OR3A2: variants seen among roughly 807,000 people sequenced by gnomAD.
The protein encoded by OR3A2 is olfactory receptor family 3 subfamily A member 2.
For synonymous variants in OR3A2, 126 were observed against 159.3 expected, an observed-to-expected ratio of 0.79 and a Z score of 1.57; for missense variants, 318 against 392.8, an observed-to-expected ratio of 0.81 and a Z score of 1.61.
At chr17:3,368,111 T>C (rs2049580525) in intron 2 of OR3A2, among the ~76,000 whole-genome samples, 1 of 152,208 alleles carries the variant, frequency 6.6e-6, no homozygotes, top group African/African-American at 2.4e-5. Context: ...TTTGTTTGAG[T>C]TCCTTATAGA....
intron 3 of OR3A2, among the ~76,000 whole-genome samples, chr17:3,307,396 C>T (rs1187728029): frequency 6.6e-6 from 1 of 152,224 alleles, no homozygotes; most frequent in Non-Finnish European, 1.5e-5. Flanking sequence ...CTGACAACTC[C>T]TCCTTGGCCC....
chr17:3,323,233 A>G (rs961661011), intron 3 of OR3A2, among the ~76,000 whole-genome samples: 3 of 152,038 alleles, frequency 2.0e-5, no homozygotes, highest in Non-Finnish European at 4.4e-5. Flanking sequence ...ATCTTCCTCC[A>G]TCCCTTTATT....
At chr17:3,279,429 C>G (rs984146066) in intron 1 of OR3A2, among the ~76,000 whole-genome samples, 4 of 152,184 alleles carry the variant, frequency 2.6e-5, no homozygotes, top group African/African-American at 9.7e-5. Context: ...TCCTATTGCT[C>G]TCTGAGGGAT....
At chr17:3,310,583 C>T (rs139602609) in intron 3 of OR3A2, 64 of 537,644 alleles carry the variant, frequency 1.2e-4, no homozygotes, top group Non-Finnish European at 1.9e-4. Context: ...TCATATCCAA[C>T]GACAGAAGCA....
upstream of OR3A2, among the ~76,000 whole-genome samples, chr17:3,288,246 C>CAAAAAAAAAA: frequency 2.5e-4 from 18 of 73,446 alleles, no homozygotes; most frequent in Non-Finnish European, 3.1e-4. Flanking sequence ...ACCAAAAGGG[C>CAAAAAAAAAA]AAAAAAAAAA....
intron 3 of OR3A2, chr17:3,310,544 T>C: frequency 1.9e-6 from 1 of 536,128 alleles, no homozygotes; most frequent in Non-Finnish European, 3.8e-6. Context: ...GGTGTGTCAG[T>C]GTCACTGTCC....
intron 3 of OR3A2, among the ~76,000 whole-genome samples, chr17:3,308,638 A>G (rs965025514): frequency 6.6e-6 from 1 of 152,156 alleles, no homozygotes; most frequent in Non-Finnish European, 1.5e-5. Flanking sequence ...GAGATTGAAG[A>G]AGGACGGTTC....
chr17:3,323,910 G>A (rs1479587466), intron 3 of OR3A2, among the ~76,000 whole-genome samples: 1 of 151,988 alleles, frequency 6.6e-6, no homozygotes, highest in Non-Finnish European at 1.5e-5. Flanking sequence ...GGCCTGCCTT[G>A]CTAGATGGGG....
chr17:3,363,262 T>A (rs1181653051), intron 2 of OR3A2, among the ~76,000 whole-genome samples: 1 of 151,814 alleles, frequency 6.6e-6, no homozygotes, highest in African/African-American at 2.4e-5. Context: ...TGCATATGAG[T>A]ATACACTTTT....
At chr17:3,329,420 T>A (rs895599685) in intron 3 of OR3A2, among the ~76,000 whole-genome samples, 2 of 149,998 alleles carry the variant, frequency 1.3e-5, no homozygotes, top group Non-Finnish European at 3.0e-5. Context: ...AGATTCAACT[T>A]CTTCCTGGTT....
At chr17:3,350,112 A>T (rs1173941493) in intron 2 of OR3A2, among the ~76,000 whole-genome samples, 1 of 151,220 alleles carries the variant, frequency 6.6e-6, no homozygotes, top group Non-Finnish European at 1.5e-5. Flanking sequence ...CTAACATCAC[A>T]ATTAAAAGAA....
rs560144723 is a variant in OR3A2 at position 3,372,144 on chromosome 17, C to T, written c.-179+11660G>A. 2.0e-4 allele frequency among the ~76,000 whole-genome samples: 30 copies of T among 149,934 alleles called. No homozygotes were observed. The East Asian group carries it at 3.9e-3, about 20-fold the overall frequency. On this transcript the variant is annotated intron_variant, in intron 2 of 4. Transcript: ENST00000573491. ...GCAGAGACGCTCCTCACCTCCCAGA[C>T]AGGGTCGCGGCCGGGTAGAGGTGCT...
chr17:3,302,055 C>G (rs1275501278), intron 3 of OR3A2, among the ~76,000 whole-genome samples: 1 of 152,048 alleles, frequency 6.6e-6, no homozygotes, highest in Non-Finnish European at 1.5e-5. Flanking sequence ...AGGACCTCTT[C>G]AAGAAGAACT....
intron 2 of OR3A2, among the ~76,000 whole-genome samples, chr17:3,352,738 T>C (rs2049430748): frequency 6.6e-6 from 1 of 152,048 alleles, no homozygotes; most frequent in Non-Finnish European, 1.5e-5. Flanking sequence ...TCTGGGTCTT[T>C]TGTGATTTCA....
chr17:3,377,348 T>C (rs1347208265), intron 2 of OR3A2, among the ~76,000 whole-genome samples: 1 of 152,176 alleles, frequency 6.6e-6, no homozygotes, highest in Non-Finnish European at 1.5e-5. Flanking sequence ...TAAATGACAA[T>C]ATATAAGCAA....
intron 1 of OR3A2, among the ~76,000 whole-genome samples, chr17:3,282,362 C>T (rs1425411258): frequency 6.6e-6 from 1 of 152,116 alleles, no homozygotes. Flanking sequence ...GCTGAGATCG[C>T]GCCACTGCAC....
At chr17:3,284,768 C>T, upstream of OR3A2, among the ~76,000 whole-genome samples, 1 of 142,818 alleles carries the variant, frequency 7.0e-6, no homozygotes, top group Non-Finnish European at 1.5e-5. Flanking sequence ...CCTATGTCCT[C>T]AAAGTCCCCC....
At chr17:3,375,218 C>T (rs1456648744) in intron 2 of OR3A2, among the ~76,000 whole-genome samples, 1 of 27,084 alleles carries the variant, frequency 3.7e-5, no homozygotes, top group Non-Finnish European at 6.4e-5. Context: ...AGATTTCTTC[C>T]TTTTTTTTTT....
intron 3 of OR3A2, among the ~76,000 whole-genome samples, chr17:3,304,024 A>C (rs1032529434): frequency 1.3e-4 from 20 of 149,216 alleles, no homozygotes. Context: ...GTACCAAAAT[A>C]ACAGTAAGCC....
Sources: allele counts gnomAD v4.1 joint callset (sites outside exome capture counted in the v4.1 genomes callset), GRCh38; gene constraint gnomAD v4.1.1; transcripts MANE v1.5; gene names NCBI Gene and HGNC (gene_info 2026-07-23, HGNC 2026-07-21).